The following ABCC2 variants were observed in gnomAD, a reference collection of about 807,000 sequenced individuals.
The protein encoded by ABCC2 is ATP binding cassette subfamily C member 2, also known as ATP-binding cassette sub-family C member 2.
ABCC2 carries 157 observed loss-of-function variants against 173.4 expected under a neutral mutation model. That is an observed-to-expected ratio of 0.91 (90% confidence interval 0.80 to 1.03). ABCC2 has a LOEUF of 1.03. Among genes scored for constraint, ABCC2 ranks in the 50% least tolerant of loss-of-function variants. ABCC2 has a pLI of 0.00. For synonymous variants in ABCC2, 657 were observed against 693.5 expected (o/e 0.95, Z 0.83); for missense variants, 1,822 against 1,852.3 (o/e 0.98, Z 0.30).
chr10:99,836,251 C>G lies in ABCC2; in HGVS notation c.3575C>G (p.Thr1192Ser). ...FLKHNEVRID[T>S]NQKCVFSWIT... ...AAACACAATGAGGTGAGGATTGACA[C>G]CAACCAGAAATGTGTCTTTTCCTGG... Residue 1192 changes from threonine to serine, a missense_variant, in exon 25 of 32, where the codon ACC becomes AGC. Physicochemically the swap from Thr to Ser is moderately conservative, Grantham distance 58 (BLOSUM62 1). Transcript: ENST00000647814. 5.0e-6 allele frequency: 8 copies of G among 1,614,206 alleles called. No homozygotes were observed. The highest frequency in any genetic ancestry group is 6.8e-6 in the Non-Finnish European group (8 of 1,180,036).
chr10:99,792,091 T>A, intron 2 of ABCC2, 143 bp from the exon 3 acceptor site: 1 of 1,031,040 alleles, frequency 9.7e-7, no homozygotes, highest in Non-Finnish European at 1.5e-6. Context: ...TTGAACTGTA[T>A]GTATCCATTC....
intron 30 of ABCC2, among the ~76,000 whole-genome samples, chr10:99,849,196 C>T (rs2039056875): frequency 6.6e-6 from 1 of 152,190 alleles, no homozygotes; most frequent in Non-Finnish European, 1.5e-5. Context: ...CGCCATTGCA[C>T]TCCAGCCTGG....
At chr10:99,786,669 C>A (rs1013308048) in intron 2 of ABCC2, among the ~76,000 whole-genome samples, 3 of 151,886 alleles carry the variant, frequency 2.0e-5, no homozygotes, top group African/African-American at 7.3e-5. Flanking sequence ...GAGTTTGAGA[C>A]CAGCTTGGCC....
Position 99,818,873 on chromosome 10 carries a change from T to A in ABCC2, c.2355T>A (p.Asp785Glu). 1 of 1,614,212 alleles carries A rather than the reference T, an allele frequency of 6.2e-7. No homozygotes were observed. The highest frequency in any genetic ancestry group is 8.5e-7 in the Non-Finnish European group (1 of 1,180,028). Residue 785 changes from aspartate (D) to glutamate (E), a missense_variant, in exon 18 of 32, where the codon GAT becomes GAA. Asp to Glu is a conservative substitution (Grantham distance 45). Coordinates refer to ENST00000647814, the MANE Select transcript of ABCC2 (RefSeq NM_000392.5). ...AAAATTTAGACATCTATCTTCTAGA[T>A]GACCCCCTGTCTGCAGTGGATGCTC... ...TYQNLDIYLL[D>E]DPLSAVDAHV... is the part of the protein sequence containing the mutation.
At chr10:99,814,378 C>CACATATGTATACACACATGTAT (rs1564684750) in intron 16 of ABCC2, among the ~76,000 whole-genome samples, 1 of 24,096 alleles carries the variant, frequency 4.2e-5, no homozygotes, top group Non-Finnish European at 9.5e-5. Context: ...TATATATACA[C>CACATATGTATACACACATGTAT]ATATATACAT....
rs192159147 is a variant in ABCC2, at chr10:99,795,203, A to G, written c.632+735A>G. ...CCTTCTCAGGAAGTGTTTTAAATGC[A>G]TGAAATAAAATGAAAGACATTGGAT... On this transcript the variant is annotated intron_variant, in intron 6 of 31. Coordinates refer to ENST00000647814, the MANE Select transcript of ABCC2 (RefSeq NM_000392.5). 2.2e-4 allele frequency among the ~76,000 whole-genome samples: 34 copies of G among 152,324 alleles called. No individual in the cohort carries two copies. In the East Asian group the frequency reaches 4.4e-3, roughly 20 times the overall value.
chr10:99,793,828 A>G (rs2037849666), intron 4 of ABCC2, 64 bp from the exon 5 acceptor site: 1 of 1,568,024 alleles, frequency 6.4e-7, no homozygotes, highest in Non-Finnish European at 8.8e-7. Flanking sequence ...ATTGATATAT[A>G]CGGGCCATGT....
In ABCC2 at chr10:99,843,909, G is replaced by T; in HGVS notation, c.3843+9G>T. On this transcript the variant is annotated intron_variant, in intron 27 of 31. Coordinates refer to ENST00000647814, the MANE Select transcript of ABCC2 (RefSeq NM_000392.5). ...CAAAAGTGGAAAATGAGGTAAGGAG[G>T]AACTGGAAAAATCCAGGAACAAGGC... The T allele has an allele frequency of 6.2e-7, 1 of 1,609,052 alleles. No individual in the cohort carries two copies. Among genetic ancestry groups the T allele is most frequent in the Non-Finnish European group, 8.5e-7 (1 of 1,175,324 alleles).
intron 23 of ABCC2, among the ~76,000 whole-genome samples, chr10:99,833,809 C>A (rs1461067459): frequency 1.3e-5 from 2 of 152,182 alleles, no homozygotes; most frequent in Non-Finnish European, 2.9e-5. Flanking sequence ...ATAATCCCCA[C>A]AAATTTAGGC....
chr10:99,802,381 A>G (rs1016590569), intron 9 of ABCC2, among the ~76,000 whole-genome samples: 1 of 152,190 alleles, frequency 6.6e-6, no homozygotes, highest in East Asian at 1.9e-4. Flanking sequence ...GATAATTTCA[A>G]TGCCTGCAAA....
intron 18 of ABCC2, 39 bp from the exon 19 acceptor site, chr10:99,819,050 A>G: frequency 1.2e-6 from 2 of 1,612,708 alleles, no homozygotes; most frequent in African/African-American, 1.3e-5. Flanking sequence ...AAGATGGTGG[A>G]CATATGGTAA....
At chr10:99,848,191 G>C (rs1181807862) in intron 30 of ABCC2, among the ~76,000 whole-genome samples, 2 of 152,176 alleles carry the variant, frequency 1.3e-5, no homozygotes, top group African/African-American at 2.4e-5. Context: ...CGGATGACAG[G>C]GAACGTGACA....
intron 28 of ABCC2, among the ~76,000 whole-genome samples, chr10:99,844,992 T>C (rs1333644616): frequency 6.6e-6 from 1 of 152,146 alleles, no homozygotes; most frequent in Non-Finnish European, 1.5e-5. Context: ...CCTTCTTCAC[T>C]TCTAAACAAG....
rs766200636 is a variant in ABCC2 at position 99,784,768 on chromosome 10, A to G, written c.194A>G (p.Tyr65Cys). The part of the protein sequence containing the change: ...RTKRSSTTKL[Y>C]LAKQVFVGFL... ...AAGAGATCCTCTACCACCAAACTCTATCTTGCTAAGCAGGTAAAGTTAACA... is the reference window on the plus strand; with the variant it reads ...AAGAGATCCTCTACCACCAAACTCTGTCTTGCTAAGCAGGTAAAGTTAACA... The change falls in exon 2 of 32, where the codon TAT (tyrosine) becomes TGT (cysteine). Residue 65 changes from tyrosine to cysteine, a missense_variant. By Grantham distance (194) the Tyr-to-Cys change is radical. Transcript: ENST00000647814. 6.2e-7 allele frequency: 1 copy of G among 1,614,046 alleles called. No individual in the cohort carries two copies. The highest frequency in any genetic ancestry group is 8.5e-7 in the Non-Finnish European group (1 of 1,179,996).
intron 19 of ABCC2, among the ~76,000 whole-genome samples, chr10:99,821,774 T>G (rs2038542327): frequency 6.6e-6 from 1 of 152,076 alleles, no homozygotes; most frequent in Admixed American, 6.5e-5. Context: ...AGTGACAATC[T>G]GATCTCTCTT....
intron 6 of ABCC2, among the ~76,000 whole-genome samples, chr10:99,796,363 G>A (rs2037910995): frequency 6.6e-6 from 1 of 152,116 alleles, no homozygotes; most frequent in South Asian, 2.1e-4. Context: ...AATTAGCCAG[G>A]CGTGGTGGTG....
intron 2 of ABCC2, among the ~76,000 whole-genome samples, chr10:99,786,194 A>G (rs567322405): frequency 6.6e-6 from 1 of 152,316 alleles, no homozygotes; most frequent in East Asian, 1.9e-4. Context: ...TCAGTGGTAC[A>G]TACCTGTAAT....
rs150830268 is a variant in ABCC2, at chr10:99,793,379, C to T, written c.334-172C>T. Among the ~76,000 whole-genome samples, 598 of 152,296 alleles carry T rather than the reference C, an allele frequency of 3.9e-3. 4 individuals carry two copies. In the Middle Eastern group the frequency reaches 0.041, roughly 10 times the overall value. On this transcript the variant is annotated intron_variant, in intron 3 of 31. Coordinates refer to ENST00000647814, the MANE Select transcript of ABCC2 (RefSeq NM_000392.5). ...GGCACTAAAAGAAAAAGCTGGATGG[C>T]ATGGGGGTGACATGTTCAACCTGGC...
intron 16 of ABCC2, among the ~76,000 whole-genome samples, chr10:99,814,303 A>ATG (rs2038305359): frequency 1.4e-5 from 1 of 72,304 alleles, no homozygotes; most frequent in Non-Finnish European, 2.8e-5. Context: ...GTATGTATAC[A>ATG]CACATGTATA....
Sources: allele counts gnomAD v4.1 joint callset (sites outside exome capture counted in the v4.1 genomes callset), GRCh38; gene constraint gnomAD v4.1.1; transcripts MANE v1.5; gene names NCBI Gene and HGNC (gene_info 2026-07-23, HGNC 2026-07-21).